APLP2: variants seen among roughly 807,000 people sequenced by gnomAD.
APLP2 encodes CDEI box-binding protein.
In APLP2, 53 loss-of-function variants were observed where a neutral mutation model predicts 89.9. That is an observed-to-expected ratio of 0.59 (90% CI 0.47 to 0.74). The LOEUF (loss-of-function observed/expected upper bound fraction) is 0.74, where lower values mean the gene tolerates loss of function less well. APLP2 is among the 30% of genes least tolerant of loss of function. The pLI, the probability that APLP2 is intolerant of heterozygous loss-of-function variation, is 0.00. For synonymous variants in APLP2, 372 were observed against 348.6 expected, an observed-to-expected ratio of 1.07 and a Z score of -0.75; for missense variants, 973 against 975.9, an observed-to-expected ratio of 1.00 and a Z score of 0.04.
chr11:130,137,133 G>C (rs1951719309), intron 13 of APLP2: 2 of 862,014 alleles, frequency 2.3e-6, no homozygotes, highest in Non-Finnish European at 3.7e-6. Flanking sequence ...TTTTTAAGGA[G>C]GAATACTTTT....
intron 3 of APLP2, among the ~76,000 whole-genome samples, chr11:130,116,777 T>C (rs1016432789): frequency 3.9e-5 from 6 of 152,088 alleles, no homozygotes; most frequent in South Asian, 4.1e-4. Flanking sequence ...CAGACATCCT[T>C]AGGGTATCTT....
At position 130,073,888 on chromosome 11, in the gene APLP2, T is replaced by A. The variant is rs181052000; in HGVS notation, c.105+3806T>A. On this transcript the variant is annotated intron_variant, in intron 1 of 16. Coordinates refer to ENST00000338167, the MANE Select transcript of APLP2 (RefSeq NM_001142276.2). ...TTAATCTTATAAAAAATGCAAAAATTGTACAATTTTCTTACCCTTTACTCA... is the reference window on the plus strand; with the variant it reads ...TTAATCTTATAAAAAATGCAAAAATAGTACAATTTTCTTACCCTTTACTCA... Among the ~76,000 whole-genome samples, 850 of 152,246 alleles carry A rather than the reference T, an allele frequency of 5.6e-3. 5 individuals are homozygous for A. The highest frequency in any genetic ancestry group is 0.02 in the African/African-American group (815 of 41,544).
At chr11:130,112,126 G>A (rs1358574050) in intron 3 of APLP2, among the ~76,000 whole-genome samples, 1 of 152,164 alleles carries the variant, frequency 6.6e-6, no homozygotes, top group East Asian at 1.9e-4. Flanking sequence ...TTCAAACTGT[G>A]CGCCGAGGCA....
intron 3 of APLP2, among the ~76,000 whole-genome samples, chr11:130,119,727 A>G (rs778413801): frequency 4.6e-5 from 7 of 152,204 alleles, no homozygotes; most frequent in Admixed American, 1.3e-4. Flanking sequence ...TCTTATATGT[A>G]TATTTTTGTG....
At chr11:130,129,019 CAT>C (rs766215627) in intron 9 of APLP2, 27 bp from the exon 10 acceptor site, 2 of 1,600,032 alleles carry the variant, frequency 1.2e-6, no homozygotes, top group South Asian at 1.1e-5. Context: ...TGCCACAAAT[CAT>C]GTGTGGTTCC....
chr11:130,094,326 TAC>T (rs1484261290), intron 1 of APLP2, among the ~76,000 whole-genome samples: 9 of 152,170 alleles, frequency 5.9e-5, no homozygotes, highest in Admixed American at 6.5e-5. Flanking sequence ...GTGCTGGGAT[TAC>T]AGGTGTGAGC....
chr11:130,109,786 C>T (rs1443796118), intron 2 of APLP2, 184 bp downstream of exon 2: 2 of 560,354 alleles, frequency 3.6e-6, no homozygotes, highest in Non-Finnish European at 5.7e-6. Context: ...GCTTTGCCTG[C>T]GTGTTCTGTG....
intron 7 of APLP2, among the ~76,000 whole-genome samples, chr11:130,124,885 ATACT>A (rs1363973809): frequency 4.6e-5 from 7 of 152,230 alleles, no homozygotes; most frequent in Admixed American, 3.3e-4. Context: ...AATTATTGTG[ATACT>A]TACTGCTTTG....
chr11:130,089,336 G>A (rs927456116), intron 1 of APLP2, among the ~76,000 whole-genome samples: 1 of 152,080 alleles, frequency 6.6e-6, no homozygotes, highest in African/African-American at 2.4e-5. Flanking sequence ...GCACACGCTG[G>A]AAGGGAGCCC....
chr11:130,070,307 G>A (rs1300824543), intron 1 of APLP2, among the ~76,000 whole-genome samples: 1 of 151,274 alleles, frequency 6.6e-6, no homozygotes, highest in Non-Finnish European at 1.5e-5. Context: ...AATGAAAGGC[G>A]TCGGGGCTGC....
At chr11:130,099,114 T>C (rs1946580401) in intron 1 of APLP2, among the ~76,000 whole-genome samples, 1 of 152,190 alleles carries the variant, frequency 6.6e-6, no homozygotes, top group Non-Finnish European at 1.5e-5. Context: ...TAGATCATCT[T>C]ATATTAATTC....
intron 12 of APLP2, among the ~76,000 whole-genome samples, chr11:130,134,570 G>A (rs1951330851): frequency 6.6e-6 from 1 of 152,244 alleles, no homozygotes; most frequent in African/African-American, 2.4e-5. Flanking sequence ...TTTCAGCTAG[G>A]GAAAGACTAG....
intron 1 of APLP2, among the ~76,000 whole-genome samples, chr11:130,077,056 A>T (rs1942263921): frequency 6.6e-6 from 1 of 152,208 alleles, no homozygotes; most frequent in African/African-American, 2.4e-5. Context: ...AAAGCTGTGG[A>T]TGTTGGTGAG....
intron 1 of APLP2, among the ~76,000 whole-genome samples, chr11:130,071,107 T>C (rs572897967): frequency 6.6e-6 from 1 of 152,054 alleles, no homozygotes; most frequent in South Asian, 2.1e-4. Flanking sequence ...TTCTTCTCCC[T>C]CTTCGCTCTT....
At chr11:130,075,491 G>A (rs1488820290) in intron 1 of APLP2, among the ~76,000 whole-genome samples, 1 of 152,192 alleles carries the variant, frequency 6.6e-6, no homozygotes, top group Non-Finnish European at 1.5e-5. Context: ...AATGTGGATA[G>A]TGCTTTTTAC....
rs928667319 is a variant in APLP2, at chr11:130,124,335, C to T, written c.1090+556C>T. Among the ~76,000 whole-genome samples the T allele has an allele frequency of 2.6e-5, 4 of 152,190 alleles. 1 individual carries two copies. The highest frequency in any genetic ancestry group is 2.6e-4 in the Admixed American group (4 of 15,288). ...CTAGCAGCCAAGTGGTAGTGACTCA[C>T]TCTGTTTCTTCAATATTTTGCAACC... On this transcript the variant is annotated intron_variant, in intron 7 of 16. Transcript: ENST00000338167.
At chr11:130,077,888 C>T (rs1160170391) in intron 1 of APLP2, among the ~76,000 whole-genome samples, 1 of 152,114 alleles carries the variant, frequency 6.6e-6, no homozygotes, top group Non-Finnish European at 1.5e-5. Context: ...GCCAGCCACC[C>T]TTGCTGCTTC....
chr11:130,087,828 C>G (rs958043153), intron 1 of APLP2, among the ~76,000 whole-genome samples: 1 of 151,858 alleles, frequency 6.6e-6, no homozygotes, highest in South Asian at 2.1e-4. Flanking sequence ...TCCTCAGGAT[C>G]TACATTAAAA....
chr11:130,129,205 G>T lies in APLP2; in HGVS notation c.1454G>T (p.Arg485Leu). The T allele has an allele frequency of 1.2e-6, 2 of 1,613,052 alleles. No individual in the cohort carries two copies. Among genetic ancestry groups the T allele is most frequent in the Non-Finnish European group, 1.7e-6 (2 of 1,179,430 alleles). The change falls in exon 10 of 17, where the codon CGG becomes CTG. Residue 485 changes from arginine to leucine, a missense_variant and splice_region_variant. Arg to Leu is a moderately radical substitution (Grantham distance 102, BLOSUM62 -2). Transcript: ENST00000338167. ...YLAALQSDPP[R>L]PHRILQALRR... ...GCTGCCTTGCAGTCTGACCCGCCAC[G>T]GGTGAGTCCTGCCCCTAGCACTGCC... is the stretch of plus-strand genomic sequence containing the variant.
Sources: allele counts gnomAD v4.1 joint callset (sites outside exome capture counted in the v4.1 genomes callset), GRCh38; gene constraint gnomAD v4.1.1; transcripts MANE v1.5; gene names NCBI Gene and HGNC (gene_info 2026-07-23, HGNC 2026-07-21).